Variants in ARMCX1 observed in about 807,000 individuals in gnomAD.
The protein encoded by ARMCX1 is armadillo repeat-containing X-linked protein 1.
ARMCX1 carries 4 observed loss-of-function variants against 15.4 expected under a neutral mutation model. The observed-to-expected ratio is 0.26, with a 90% CI of 0.13 to 0.59. The LOEUF is 0.59. Among genes scored for constraint, ARMCX1 ranks in the 20% least tolerant of loss-of-function variants. The pLI, the probability that ARMCX1 is intolerant of heterozygous loss-of-function variation, is 0.89. For synonymous variants in ARMCX1, 144 were observed against 130.5 expected (o/e 1.10, Z -0.71); for missense variants, 273 against 337.1 (o/e 0.81, Z 1.49).
chrX:101,554,102 C>A lies in ARMCX1; in HGVS notation c.1172C>A (p.Thr391Asn), dbSNP rs1051421117. 1.1e-5 allele frequency: 13 copies of A among 1,206,310 alleles called. No individual in the cohort carries two copies. The highest frequency in any genetic ancestry group is 8.8e-5 in the African/African-American group (5 of 57,072). Reference protein sequence around the residue: ...WDREILLNILTLFENINDNIK... With the variant: ...WDREILLNILNLFENINDNIK... ...AGAGAGATTCTTCTTAATATCCTTA[C>A]CCTATTTGAGAATATAAATGACAAC... Residue 391 changes from threonine (T) to asparagine (N), a missense_variant, in exon 4 of 4, where the codon ACC (threonine) becomes AAC (asparagine). This residue lies in a region of ARMCX1 where 126 missense variants were observed against 193.6 expected (regional missense o/e 0.65). Transcript: ENST00000372829.
Position 101,554,484 on chromosome X carries a change from G to A in ARMCX1, c.*192G>A. The A allele has an allele frequency of 2.7e-6, 1 of 374,446 alleles. No individual in the cohort carries two copies. The highest frequency in any genetic ancestry group is 5.3e-5 in the Admixed American group (1 of 18,878). 30.9% of individuals were successfully genotyped at this position (374,446 alleles called of 1,213,427 possible). On this transcript the variant is annotated 3_prime_UTR_variant, in exon 4 of 4. Coordinates refer to ENST00000372829, the MANE Select transcript of ARMCX1 (RefSeq NM_016608.2). ...TTGGGTTTAGGATGAACCATTTTAA[G>A]GATGCCAAATGAAATATTAGTATTT...
At position 101,553,442 on chromosome X, in the gene ARMCX1, G is replaced by A. The variant is rs781939035; in HGVS notation, c.512G>A (p.Gly171Glu). Residue 171 changes from glycine to glutamate, a missense_variant, in exon 4 of 4, where the codon GGA becomes GAA. Transcript: ENST00000372829. ...GGCAGGGCAAGTGGAAAATCCAAGG[G>A]AAAGGCCCGAAGTAAGAGCACCAGG... is the stretch of plus-strand genomic sequence containing the variant. ...AGGRASGKSK[G>E]KARSKSTRAP... The A allele has an allele frequency of 8.3e-7, 1 of 1,201,929 alleles. No individual in the cohort carries two copies. The highest frequency in any genetic ancestry group is 2.2e-5 in the Admixed American group (1 of 44,871).
chrX:101,551,224 G>C lies in ARMCX1; in HGVS notation c.-188+200G>C, dbSNP rs781882079. 6.3e-5 allele frequency among the ~76,000 whole-genome samples: 7 copies of C among 110,584 alleles called. No homozygotes were observed. The East Asian group carries it at 1.4e-3, about 23-fold the overall frequency. On this transcript the variant is annotated intron_variant, in intron 2 of 3. Transcript: ENST00000372829. ...GGGTGCGTTGGGGAGAGGAATAGAA[G>C]AGATCGGTTGGTTTTGTTTTTCTCC... is the stretch of plus-strand genomic sequence containing the variant.
intron 2 of ARMCX1, among the ~76,000 whole-genome samples, chrX:101,551,348 G>A (rs960390948): frequency 9.0e-6 from 1 of 110,854 alleles, no homozygotes; most frequent in African/African-American, 3.3e-5. Context: ...GGCTGCGGGA[G>A]GGAGTGAGGG....
rs1935399318 is a variant in ARMCX1, at chrX:101,553,054, G to A, written c.124G>A (p.Glu42Lys). The A allele has an allele frequency of 3.3e-6, 4 of 1,211,822 alleles. No homozygotes were observed. The highest frequency in any genetic ancestry group is 4.5e-6 in the Non-Finnish European group (4 of 895,556). The part of the protein sequence containing the change: ...DENEKIWDED[E>K]ESTDTSEIGV... ...GAACGAGAAAATCTGGGACGAAGAC[G>A]AGGAGTCTACGGACACCTCAGAGAT... Residue 42 changes from glutamate to lysine, a missense_variant, in exon 4 of 4, where the codon GAG becomes AAG. By Grantham distance (56) the Glu-to-Lys change is moderately conservative. Coordinates refer to ENST00000372829, the MANE Select transcript of ARMCX1 (RefSeq NM_016608.2).
At chrX:101,551,362 G>A (rs1935378871) in intron 2 of ARMCX1, among the ~76,000 whole-genome samples, 1 of 110,990 alleles carries the variant, frequency 9.0e-6, no homozygotes, top group East Asian at 2.8e-4. Context: ...GTGAGGGCCG[G>A]GGGCGGGGAC....
Position 101,554,025 on chromosome X carries a change from C to A in ARMCX1, c.1095C>A (p.Val365=). The A allele has an allele frequency of 8.3e-7, 1 of 1,211,073 alleles. No individual in the cohort carries two copies. The highest frequency in any genetic ancestry group is 1.1e-6 in the Non-Finnish European group (1 of 895,023). Residue 365 remains valine (V), a synonymous_variant, in exon 4 of 4, where the codon GTC becomes GTA. Transcript: ENST00000372829. ...ATCCAGCCATGACAAGAGAGCTGGT[C>A]AGTTGTAAAGTACCATCAGAATTGA... ...TENPAMTREL[V]SCKVPSELIS... is the part of the protein sequence containing the mutation.
rs782543108 is a variant in ARMCX1, at chrX:101,553,529, A to G, written c.599A>G (p.Asp200Gly). The change falls in exon 4 of 4, where the codon GAT (aspartate) becomes GGT (glycine). Residue 200 changes from aspartate (D) to glycine (G), a missense_variant. Transcript: ENST00000372829. ...GKFNFPYKID[D>G]ILSAPDLQKV... ...TTCAACTTTCCTTATAAAATTGATG[A>G]TATTCTGAGTGCTCCCGACCTCCAA... The G allele has an allele frequency of 2.5e-6, 3 of 1,211,436 alleles. No individual in the cohort carries two copies. In the East Asian group the frequency reaches 8.9e-5, roughly 36 times the overall value.
Position 101,553,778 on chromosome X carries a change from A to G in ARMCX1, c.848A>G (p.Lys283Arg). 1 of 1,211,849 alleles carries G rather than the reference A, an allele frequency of 8.3e-7. No homozygotes were observed. Among genetic ancestry groups the G allele is most frequent in the Non-Finnish European group, 1.1e-6 (1 of 895,547 alleles). ...AGTGTGAACGCAGAAAATCAGGGCA[A>G]GATTAAGACGTACATCAGTCAAGTG... Reference protein sequence around the residue: ...NLSVNAENQGKIKTYISQVCD... With the variant: ...NLSVNAENQGRIKTYISQVCD... The change falls in exon 4 of 4, where the codon AAG becomes AGG. Residue 283 changes from lysine (K) to arginine (R), a missense_variant. Transcript: ENST00000372829.
In ARMCX1 at chrX:101,554,206, G is replaced by A; in HGVS notation, c.1276G>A (p.Val426Ile). 1 of 1,207,706 alleles carries A rather than the reference G, an allele frequency of 8.3e-7. No homozygotes were observed. ...TTTTTTCTTATTCAAAGAGTCTGGA[G>A]TTTGTGTTAAGAAAATCAAAGCACT... is the stretch of plus-strand genomic sequence containing the variant. The part of the protein sequence containing the change: ...SLFFLFKESG[V>I]CVKKIKALAN... The change falls in exon 4 of 4, where the codon GTT (valine) becomes ATT (isoleucine). Residue 426 changes from valine to isoleucine, a missense_variant. This residue lies in a region of ARMCX1 where 126 missense variants were observed against 193.6 expected (regional missense o/e 0.65). Coordinates refer to ENST00000372829, the MANE Select transcript of ARMCX1 (RefSeq NM_016608.2).
At position 101,552,873 on chromosome X, in the gene ARMCX1, T is replaced by C; in HGVS notation, c.-58T>C. 6 of 1,158,540 alleles carry C rather than the reference T, an allele frequency of 5.2e-6. No homozygotes were observed. Among genetic ancestry groups the C allele is most frequent in the Non-Finnish European group, 6.9e-6 (6 of 867,562 alleles). On this transcript the variant is annotated 5_prime_UTR_variant, in exon 4 of 4. Transcript: ENST00000372829. ...TCCGCCCGCGACGTGTGCGCGCTTC[T>C]CTGGGCCAGAGCGAGCCTGTTTTGT...
Position 101,552,926 on chromosome X carries a change from A to G in ARMCX1, c.-5A>G, listed in dbSNP as rs6616255. ...TCGGGTTAAGAGATTTGTCCCAGCT[A>G]TACCATGGGCCGCACTCGGGAAGCT... On this transcript the variant is annotated 5_prime_UTR_variant, in exon 4 of 4. Transcript: ENST00000372829. 0.13 allele frequency: 152,760 copies of G among 1,204,061 alleles called. 7,035 individuals carry two copies. The highest frequency in any genetic ancestry group is 0.14 in the East Asian group (4,837 of 33,666).
In ARMCX1 at chrX:101,553,242, A is replaced by G. The variant is rs1268347414; in HGVS notation, c.312A>G (p.Leu104=). The change falls in exon 4 of 4, where the codon CTA becomes CTG. Residue 104 remains leucine, a synonymous_variant. Transcript: ENST00000372829. ...CAGGATCCCACAGCGGAGGTGGCCT[A>G]GAGGCCAAGGCCAAGGCCCTTTTCA... ...AHSGSHSGGG[L]EAKAKALFNT... 1.6e-6 allele frequency: 2 copies of G among 1,212,310 alleles called. No individual in the cohort carries two copies. The highest frequency in any genetic ancestry group is 2.2e-6 in the Non-Finnish European group (2 of 895,597).
At chrX:101,552,679 A>G (rs1556027151) in intron 3 of ARMCX1, 130 bp from the exon 4 acceptor site, 1 of 346,864 alleles carries the variant, frequency 2.9e-6, no homozygotes, top group African/African-American at 2.6e-5. Context: ...TGATCTAGAT[A>G]TCAAGCCCCG....
At position 101,552,681 on chromosome X, in the gene ARMCX1, C is replaced by T. The variant is rs190232969; in HGVS notation, c.-122-128C>T. On this transcript the variant is annotated intron_variant, in intron 3 of 3. Transcript: ENST00000372829. ...AGAAAGGAATCAGTGATCTAGATAT[C>T]AAGCCCCGAGTCTCTGCCAGTATCT... 25 of 347,484 alleles carry T rather than the reference C, an allele frequency of 7.2e-5. No individual in the cohort carries two copies. In the East Asian group the frequency reaches 1.1e-3, roughly 15 times the overall value. The allele number at this position is 347,484 out of a possible 1,213,427, so 28.6% of individuals were successfully genotyped here. A position where few individuals can be genotyped will look rare whatever the true frequency, so the allele number is the denominator to read the frequency against.
intron 3 of ARMCX1, among the ~76,000 whole-genome samples, chrX:101,552,016 G>C (rs782607486): frequency 5.8e-5 from 1 of 17,257 alleles, no homozygotes; most frequent in Non-Finnish European, 1.2e-4. Flanking sequence ...GACACGGGGT[G>C]GGGGGGGGGG....
At chrX:101,552,711 A>C in intron 3 of ARMCX1, 98 bp from the exon 4 acceptor site, 1 of 388,744 alleles carries the variant, frequency 2.6e-6, no homozygotes, top group Non-Finnish European at 4.4e-6. Context: ...GTATCTCTGT[A>C]TTTTTGTACG....
At chrX:101,551,830 T>C (rs1935382562) in intron 3 of ARMCX1, among the ~76,000 whole-genome samples, 197 bp downstream of exon 3, 1 of 107,671 alleles carries the variant, frequency 9.3e-6, no homozygotes, top group Admixed American at 1.0e-4. Flanking sequence ...GTCAAGAGAG[T>C]CCAGGGGTTG....
In ARMCX1 at chrX:101,553,195, G is replaced by T. The variant is rs782718490; in HGVS notation, c.265G>T (p.Gly89Cys). The T allele has an allele frequency of 8.3e-7, 1 of 1,210,542 alleles. No individual in the cohort carries two copies. The highest frequency in any genetic ancestry group is 3.0e-5 in the East Asian group (1 of 33,768). ...GAGTTTGGGACTCGAGGATTGTCCG[G>T]GTGTAAAAGAGAAGGCCCATTCAGG... The part of the protein sequence containing the change: ...EVSLGLEDCP[G>C]VKEKAHSGSH... Residue 89 changes from glycine to cysteine, a missense_variant, in exon 4 of 4, where the codon GGT (glycine) becomes TGT (cysteine). Coordinates refer to ENST00000372829, the MANE Select transcript of ARMCX1 (RefSeq NM_016608.2).
Sources: gnomAD v4.1 joint callset for allele counts (sites outside exome capture counted in the v4.1 genomes callset) on GRCh38, gnomAD v4.1.1 for gene constraint, gnomAD v4.1.1 regional missense constraint, MANE v1.5 for transcripts, NCBI Gene and HGNC (gene_info 2026-07-23, HGNC 2026-07-21) for gene names.